Variants in TMCC3 observed in about 807,000 individuals in gnomAD.
The protein encoded by TMCC3 is transmembrane and coiled-coil domain protein 3.
TMCC3 carries 28 observed loss-of-function variants against 40.2 expected under a neutral mutation model. The ratio of observed to expected loss-of-function variants is 0.70; its 90% confidence interval spans 0.52 to 0.95. TMCC3 has a LOEUF of 0.95. TMCC3 is among the 40% of genes least tolerant of loss of function. The pLI is 0.00. For synonymous variants in TMCC3, 255 were observed against 248.5 expected (o/e 1.03, Z -0.25); for missense variants, 554 against 615.2 (o/e 0.90, Z 1.05).
At chr12:94,583,731 C>T (rs1325988818) in intron 1 of TMCC3, among the ~76,000 whole-genome samples, 2 of 152,172 alleles carry the variant, frequency 1.3e-5, no homozygotes, top group African/African-American at 4.8e-5. Context: ...AGACAAAGAA[C>T]ATGCTAGATT....
chr12:94,567,982 C>G lies in TMCC3; in HGVS notation c.*3453G>C, dbSNP rs978219800. Reference sequence around the variant, plus strand: ...CTGATATGCTAGAGAAATGGCAAGGCAATAAACACAGAGTGGGGCAATATT... The same window carrying G: ...CTGATATGCTAGAGAAATGGCAAGGGAATAAACACAGAGTGGGGCAATATT... On this transcript the variant is annotated 3_prime_UTR_variant, in exon 4 of 4. Transcript: ENST00000261226. The G allele has an allele frequency of 2.6e-5, 4 of 152,178 alleles. No homozygotes were observed. Among genetic ancestry groups the G allele is most frequent in the African/African-American group, 9.6e-5 (4 of 41,512 alleles). 9.4% of individuals were successfully genotyped at this position (152,178 alleles called of 1,614,324 possible). A position where few individuals can be genotyped will look rare whatever the true frequency, so the allele number is the denominator to read the frequency against.
At chr12:94,597,763 C>T (rs555427996) in intron 1 of TMCC3, among the ~76,000 whole-genome samples, 15 of 152,016 alleles carry the variant, frequency 9.9e-5, no homozygotes, top group South Asian at 8.3e-4. Flanking sequence ...GCCAAGATCG[C>T]GCCATTGCAC....
At chr12:94,624,876 C>T (rs569532975) in intron 1 of TMCC3, among the ~76,000 whole-genome samples, 16 of 152,128 alleles carry the variant, frequency 1.1e-4, no homozygotes, top group Non-Finnish European at 2.1e-4. Context: ...TGCGGTGGCT[C>T]ATGCCTGTAA....
rs191662359 is a variant in TMCC3, at chr12:94,584,859, G to A, written c.79-2321C>T. On this transcript the variant is annotated intron_variant, in intron 1 of 3. Coordinates refer to ENST00000261226, the MANE Select transcript of TMCC3 (RefSeq NM_020698.4). ...AAGTTGTGACTTCACCTGGTCAAGA[G>A]GGAAGGATGGGGATAGGGAATAAAG... is the stretch of plus-strand genomic sequence containing the variant. 1.8e-4 allele frequency among the ~76,000 whole-genome samples: 27 copies of A among 151,918 alleles called. 1 individual carries two copies. The East Asian group carries it at 4.6e-3, about 26-fold the overall frequency.
chr12:94,581,532 A>C, intron 2 of TMCC3, 90 bp downstream of exon 2: 1 of 969,716 alleles, frequency 1.0e-6, no homozygotes, highest in African/African-American at 1.7e-5. Context: ...GTAATAAAAA[A>C]GTTTTCAAAA....
intron 1 of TMCC3, among the ~76,000 whole-genome samples, chr12:94,641,245 T>C (rs539329884): frequency 1.3e-5 from 2 of 149,578 alleles, no homozygotes; most frequent in Non-Finnish European, 3.0e-5. Flanking sequence ...GATGCCTGGG[T>C]AGGGTGGGGG....
chr12:94,642,873 G>T (rs2138886478), intron 1 of TMCC3, among the ~76,000 whole-genome samples: 1 of 152,246 alleles, frequency 6.6e-6, no homozygotes, highest in Non-Finnish European at 1.5e-5. Flanking sequence ...ACCTAACTTT[G>T]GTACCATGCG....
At chr12:94,593,431 AAGGAGAAGG>A (rs2068694742) in intron 1 of TMCC3, among the ~76,000 whole-genome samples, 2 of 61,018 alleles carry the variant, frequency 3.3e-5, no homozygotes, top group Non-Finnish European at 7.7e-5. Context: ...AAGGAAGAAG[AAGGAGAAGG>A]AGAAGGAGAA....
At chr12:94,628,610 C>T (rs1405707954) in intron 1 of TMCC3, among the ~76,000 whole-genome samples, 1 of 152,212 alleles carries the variant, frequency 6.6e-6, no homozygotes, top group Non-Finnish European at 1.5e-5. Context: ...AACAAGGCTG[C>T]ACAAGGTCAA....
At chr12:94,614,571 A>C (rs540242352) in intron 1 of TMCC3, among the ~76,000 whole-genome samples, 7 of 152,116 alleles carry the variant, frequency 4.6e-5, no homozygotes, top group East Asian at 1.9e-4. Context: ...CTGGCACAGA[A>C]AGCAGCTCTG....
intron 1 of TMCC3, among the ~76,000 whole-genome samples, chr12:94,623,010 T>A (rs989750157): frequency 6.6e-6 from 1 of 152,164 alleles, no homozygotes; most frequent in African/African-American, 2.4e-5. Context: ...GTAAAAAATA[T>A]TCTTGGGATA....
chr12:94,650,310 CGGG>C, intron 1 of TMCC3, 40 bp downstream of exon 1: 5 of 1,202,484 alleles, frequency 4.2e-6, no homozygotes, highest in Non-Finnish European at 5.2e-6. Flanking sequence ...GCCTCGCCCC[CGGG>C]CCCGCGCGCA....
At chr12:94,636,640 G>A (rs76413155) in intron 1 of TMCC3, among the ~76,000 whole-genome samples, 83 of 152,318 alleles carry the variant, frequency 5.4e-4, no homozygotes, top group Non-Finnish European at 5.0e-4. Flanking sequence ...GTGCCTAGGT[G>A]GGCCTAAACT....
chr12:94,594,216 T>TAC (rs1354275604), intron 1 of TMCC3, among the ~76,000 whole-genome samples: 40 of 78,138 alleles, frequency 5.1e-4, no homozygotes, highest in Non-Finnish European at 8.7e-4. Flanking sequence ...TATATATATA[T>TAC]ACACACACAC....
intron 1 of TMCC3, among the ~76,000 whole-genome samples, chr12:94,610,427 G>C (rs2068808662): frequency 7.0e-6 from 1 of 143,108 alleles, no homozygotes; most frequent in Admixed American, 6.9e-5. Context: ...CCTTAAGGCA[G>C]GCAAAAAAAA....
At chr12:94,620,250 T>A (rs937167312) in intron 1 of TMCC3, among the ~76,000 whole-genome samples, 1 of 152,066 alleles carries the variant, frequency 6.6e-6, no homozygotes, top group Non-Finnish European at 1.5e-5. Context: ...AATTTTGCTT[T>A]AAGCCCTTTA....
intron 1 of TMCC3, among the ~76,000 whole-genome samples, chr12:94,589,206 T>C (rs2068657083): frequency 6.6e-6 from 1 of 152,150 alleles, no homozygotes; most frequent in South Asian, 2.1e-4. Context: ...CAGTTCTTCT[T>C]ATTCCAATGT....
intron 1 of TMCC3, among the ~76,000 whole-genome samples, chr12:94,592,315 T>G (rs1486841320): frequency 6.6e-6 from 1 of 152,002 alleles, no homozygotes; most frequent in African/African-American, 2.4e-5. Flanking sequence ...TCTCTTGGCA[T>G]CACTGACAAA....
At chr12:94,628,518 C>G (rs933364378) in intron 1 of TMCC3, among the ~76,000 whole-genome samples, 2 of 152,222 alleles carry the variant, frequency 1.3e-5, no homozygotes, top group Non-Finnish European at 1.5e-5. Context: ...AGGGTGAACT[C>G]TGAACCTGCC....
Sources: gnomAD v4.1 joint callset for allele counts (sites outside exome capture counted in the v4.1 genomes callset) on GRCh38, gnomAD v4.1.1 for gene constraint, MANE v1.5 for transcripts, NCBI Gene and HGNC (gene_info 2026-07-23, HGNC 2026-07-21) for gene names.